Variants in APP observed in about 807,000 individuals in gnomAD.
The protein encoded by APP is amyloid beta precursor protein.
A neutral mutation model predicts 101.4 loss-of-function variants in APP; 31 were observed. The ratio of observed to expected loss-of-function variants is 0.31; its 90% CI spans 0.23 to 0.41. The LOEUF is 0.41. Among genes scored for constraint, APP ranks in the 10% least tolerant of loss-of-function variants. The pLI is 1.00. For missense variants in APP, 839 were observed against 1,003.7 expected, an observed-to-expected ratio of 0.84 and a Z score of 2.22; for synonymous variants, 366 against 364.4, an observed-to-expected ratio of 1.00 and a Z score of -0.05.
At chr21:25,994,287 A>G (rs2146652711) in intron 8 of APP, among the ~76,000 whole-genome samples, 1 of 152,334 alleles carries the variant, frequency 6.6e-6, no homozygotes, top group East Asian at 1.9e-4. Context: ...AATGTCAGAA[A>G]TTAACTCAGC....
intron 8 of APP, among the ~76,000 whole-genome samples, chr21:25,995,995 G>T (rs2043041335): frequency 6.6e-6 from 1 of 151,108 alleles, no homozygotes; most frequent in Non-Finnish European, 1.5e-5. Flanking sequence ...AAATATCTAA[G>T]TTACAACTGA....
intron 6 of APP, 38 bp from the exon 7 acceptor site, chr21:26,000,220 A>C (rs200393927): frequency 8.1e-6 from 13 of 1,610,810 alleles, no homozygotes; most frequent in Non-Finnish European, 1.1e-5. Context: ...ATTTAGCATG[A>C]AAAGGCACTG....
intron 3 of APP, among the ~76,000 whole-genome samples, chr21:26,082,539 T>C (rs2061618903): frequency 6.6e-6 from 1 of 152,166 alleles, no homozygotes; most frequent in Non-Finnish European, 1.5e-5. Flanking sequence ...ATGAAAACAG[T>C]AATGATTTTT....
At position 26,105,127 on chromosome 21, in the gene APP, G is replaced by A. The variant is rs1052766506; in HGVS notation, c.225+6852C>T. ...GCCCAATGACAGATACCAGAATACC[G>A]TGAATTTTCATGGTGCTGAATCAAA... On this transcript the variant is annotated intron_variant, in intron 2 of 17. Transcript: ENST00000346798. 3.4e-5 allele frequency among the ~76,000 whole-genome samples: 5 copies of A among 148,088 alleles called. No homozygotes were observed. The South Asian group carries it at 1.1e-3, about 31-fold the overall frequency.
At chr21:26,166,518 T>A (rs967109483) in intron 1 of APP, among the ~76,000 whole-genome samples, 1 of 152,152 alleles carries the variant, frequency 6.6e-6, no homozygotes, top group Admixed American at 6.5e-5. Context: ...TCTGTTCAAC[T>A]CATCGGAACA....
chr21:26,129,237 C>A (rs1403479113), intron 1 of APP, among the ~76,000 whole-genome samples: 1 of 152,112 alleles, frequency 6.6e-6, no homozygotes, highest in Non-Finnish European at 1.5e-5. Flanking sequence ...CTTTGGGAAG[C>A]CGAGGCAGGT....
intron 1 of APP, among the ~76,000 whole-genome samples, chr21:26,119,767 T>C (rs921049692): frequency 6.6e-6 from 1 of 152,176 alleles, no homozygotes; most frequent in East Asian, 1.9e-4. Flanking sequence ...TTTGCTAAGA[T>C]CTCATTCTAG....
At chr21:26,111,128 A>C (rs1412325588) in intron 2 of APP, among the ~76,000 whole-genome samples, 1 of 150,888 alleles carries the variant, frequency 6.6e-6, no homozygotes, top group African/African-American at 2.4e-5. Flanking sequence ...CAGAACAGTG[A>C]ACTTTGTACT....
intron 1 of APP, among the ~76,000 whole-genome samples, chr21:26,126,699 T>G (rs953790147): frequency 3.9e-4 from 59 of 152,112 alleles, no homozygotes; most frequent in Non-Finnish European, 6.2e-4. Flanking sequence ...CAGCCTCCGC[T>G]GTAGGCCCTC....
At chr21:25,913,290 A>C (rs2069142050) in intron 13 of APP, among the ~76,000 whole-genome samples, 1 of 152,224 alleles carries the variant, frequency 6.6e-6, no homozygotes, top group African/African-American at 2.4e-5. Flanking sequence ...AAATGATGGA[A>C]GTCCCAAGCA....
At chr21:25,899,408 G>A (rs1042775575) in intron 15 of APP, among the ~76,000 whole-genome samples, 1 of 152,188 alleles carries the variant, frequency 6.6e-6, no homozygotes, top group Non-Finnish European at 1.5e-5. Flanking sequence ...CTAGTGAACA[G>A]AGCATGATAG....
chr21:26,069,374 A>G (rs2046585793), intron 3 of APP, among the ~76,000 whole-genome samples: 1 of 152,084 alleles, frequency 6.6e-6, no homozygotes, highest in African/African-American at 2.4e-5. Context: ...CATCCTTCCC[A>G]TAGTTCCTCT....
At chr21:25,970,452 T>C (rs1045498157) in intron 11 of APP, among the ~76,000 whole-genome samples, 4 of 152,176 alleles carry the variant, frequency 2.6e-5, no homozygotes, top group African/African-American at 9.7e-5. Flanking sequence ...AAGATTCTGG[T>C]CTCAGCACCC....
intron 9 of APP, among the ~76,000 whole-genome samples, chr21:25,976,735 TG>T (rs1321155301): frequency 6.6e-6 from 1 of 152,240 alleles, no homozygotes; most frequent in East Asian, 1.9e-4. Context: ...CCAACTGCTA[TG>T]GTTTGAATGT....
rs1255248383 is a variant in APP, at chr21:26,053,475, C to G, written c.356-127G>C. 2.0e-5 allele frequency: 14 copies of G among 712,502 alleles called. No individual in the cohort carries two copies. In the East Asian group the frequency reaches 3.8e-4, roughly 19 times the overall value. 44.1% of individuals were successfully genotyped at this position (712,502 alleles called of 1,614,324 possible). A position where few individuals can be genotyped will look rare whatever the true frequency, so the allele number is the denominator to read the frequency against. ...CCTTTTAATGCCTAAGCAACCCAATCAAGACCCTACTACCTTTAGAATGTT... is the reference window on the plus strand; with the variant it reads ...CCTTTTAATGCCTAAGCAACCCAATGAAGACCCTACTACCTTTAGAATGTT... On this transcript the variant is annotated intron_variant, in intron 3 of 17. Transcript: ENST00000346798.
chr21:25,941,126 A>G (rs891794806), intron 13 of APP, among the ~76,000 whole-genome samples: 1 of 152,250 alleles, frequency 6.6e-6, no homozygotes, highest in African/African-American at 2.4e-5. Context: ...ATTCACTGAC[A>G]TGTACACATC....
chr21:25,992,387 CAAA>C (rs3084255), intron 8 of APP, among the ~76,000 whole-genome samples: 2,091 of 131,870 alleles, frequency 0.016, 50 homozygotes, highest in African/African-American at 0.052. Context: ...GACTCCATCT[CAAA>C]AAAAAAAAAA....
rs1256100977 is a variant in APP at position 25,918,681 on chromosome 21, G to A, written c.1688-6719C>T. ...TATTGCGCTTTTCAGACCGGCTTAA[G>A]AAACGGCGCACCACGAGACTATATC... On this transcript the variant is annotated intron_variant, in intron 13 of 17. Coordinates refer to ENST00000346798, the MANE Select transcript of APP (RefSeq NM_000484.4). Among the ~76,000 whole-genome samples the A allele has an allele frequency of 3.2e-4, 48 of 151,800 alleles. 1 individual carries two copies. Among genetic ancestry groups the A allele is most frequent in the Admixed American group, 1.5e-3 (22 of 15,032 alleles).
intron 6 of APP, among the ~76,000 whole-genome samples, chr21:26,003,060 G>A (rs1021964308): frequency 6.6e-6 from 1 of 152,132 alleles, no homozygotes; most frequent in African/African-American, 2.4e-5. Flanking sequence ...AATCTAAATG[G>A]CATTATATTA....
Sources: gnomAD v4.1 joint callset for allele counts (sites outside exome capture counted in the v4.1 genomes callset) on GRCh38, gnomAD v4.1.1 for gene constraint, MANE v1.5 for transcripts, NCBI Gene and HGNC (gene_info 2026-07-23, HGNC 2026-07-21) for gene names.